RSPO2: variants seen among roughly 807,000 people sequenced by gnomAD.
The protein encoded by RSPO2 is R-spondin 2.
RSPO2 carries 14 observed loss-of-function variants against 30.9 expected under a neutral mutation model. The observed-to-expected ratio is 0.45, with a 90% confidence interval of 0.30 to 0.71. The LOEUF is 0.71. RSPO2 is among the 30% of genes least tolerant of loss of function. RSPO2 has a pLI of 0.08. For synonymous variants in RSPO2, 107 were observed against 96.4 expected (o/e 1.11, Z -0.64); for missense variants, 264 against 301.9 (o/e 0.87, Z 0.93).
At chr8:107,986,637 T>C (rs1048054957) in intron 3 of RSPO2, among the ~76,000 whole-genome samples, 3 of 152,204 alleles carry the variant, frequency 2.0e-5, no homozygotes, top group African/African-American at 7.2e-5. Context: ...GCAGCCCCTC[T>C]CATTTCCCAG....
intron 5 of RSPO2, among the ~76,000 whole-genome samples, chr8:107,918,020 A>T (rs117673993): frequency 2.6e-5 from 4 of 152,166 alleles, no homozygotes; most frequent in African/African-American, 9.6e-5. Flanking sequence ...TAGAATAGAG[A>T]AAAAGACTTT....
chr8:107,980,320 A>G (rs746417350), intron 3 of RSPO2, among the ~76,000 whole-genome samples: 1 of 152,154 alleles, frequency 6.6e-6, no homozygotes, highest in Non-Finnish European at 1.5e-5. Flanking sequence ...AGGCTAAGCC[A>G]TCCCCTAAAT....
chr8:107,984,315 T>C (rs994903985), intron 3 of RSPO2, among the ~76,000 whole-genome samples: 3 of 152,260 alleles, frequency 2.0e-5, no homozygotes, highest in African/African-American at 7.2e-5. Flanking sequence ...GTGTAATTAA[T>C]CTATAATGCC....
intron 5 of RSPO2, among the ~76,000 whole-genome samples, chr8:107,914,829 C>T (rs189221640): frequency 2.6e-5 from 4 of 152,112 alleles, no homozygotes; most frequent in South Asian, 2.1e-4. Flanking sequence ...ATTTTAGGTG[C>T]CTTTATGTGT....
intron 2 of RSPO2, among the ~76,000 whole-genome samples, chr8:108,062,293 G>A (rs1202836014): frequency 8.6e-5 from 13 of 151,850 alleles, no homozygotes; most frequent in South Asian, 2.1e-4. Context: ...CTGCTAGCAA[G>A]ACTAACAAAG....
intron 3 of RSPO2, chr8:107,983,218 A>C: frequency 6.3e-7 from 1 of 1,577,392 alleles, no homozygotes; most frequent in Non-Finnish European, 8.6e-7. Context: ...TTCTTGTCAC[A>C]AAAAGGCTGC....
intron 5 of RSPO2, among the ~76,000 whole-genome samples, chr8:107,957,762 T>C (rs1299802945): frequency 6.6e-6 from 1 of 152,178 alleles, no homozygotes; most frequent in Non-Finnish European, 1.5e-5. Context: ...AGGCCTGATT[T>C]CGTAAGAACC....
Position 107,988,117 on chromosome 8 carries a change from G to A in RSPO2, c.283+939C>T, listed in dbSNP as rs563060600. Among the ~76,000 whole-genome samples, 22 of 152,036 alleles carry A rather than the reference G, an allele frequency of 1.4e-4. No homozygotes were observed. The South Asian group carries it at 2.5e-3, about 17-fold the overall frequency. ...AATTTCTATGGCTGACCTAGAAGAC[G>A]AGACTCATTCTGTAAGTGATTTTTG... On this transcript the variant is annotated intron_variant, in intron 3 of 5. Transcript: ENST00000276659.
At chr8:108,076,718 G>A (rs1813024826) in intron 2 of RSPO2, among the ~76,000 whole-genome samples, 1 of 152,074 alleles carries the variant, frequency 6.6e-6, no homozygotes, top group Non-Finnish European at 1.5e-5. Flanking sequence ...CATATTGGCA[G>A]TAATTGGGAG....
intron 5 of RSPO2, among the ~76,000 whole-genome samples, chr8:107,941,418 C>A (rs575323857): frequency 5.0e-4 from 76 of 152,240 alleles, no homozygotes; most frequent in Non-Finnish European, 9.3e-4. Flanking sequence ...AAAAATAGAT[C>A]ACTGCAAAAT....
At chr8:107,948,964 C>CTTT (rs34697845) in intron 5 of RSPO2, among the ~76,000 whole-genome samples, 2 of 139,070 alleles carry the variant, frequency 1.4e-5, no homozygotes, top group African/African-American at 2.6e-5. Flanking sequence ...AGGTCTGCAC[C>CTTT]TTTTTTTTTT....
chr8:108,056,334 A>G (rs1303702359), intron 2 of RSPO2, among the ~76,000 whole-genome samples: 1 of 152,080 alleles, frequency 6.6e-6, no homozygotes, highest in Non-Finnish European at 1.5e-5. Flanking sequence ...CTTGGGCCCA[A>G]TCTTGTAAGC....
At chr8:107,928,938 A>T (rs1205276925) in intron 5 of RSPO2, among the ~76,000 whole-genome samples, 1 of 152,204 alleles carries the variant, frequency 6.6e-6, no homozygotes, top group African/African-American at 2.4e-5. Context: ...TGTCAATGAG[A>T]CCAGAAGATC....
chr8:107,972,149 GTCTT>G (rs890305606), intron 3 of RSPO2, among the ~76,000 whole-genome samples: 1 of 149,780 alleles, frequency 6.7e-6, no homozygotes, highest in African/African-American at 2.5e-5. Flanking sequence ...AATAAACACA[GTCTT>G]TTTTTTTTTT....
chr8:108,025,793 G>A (rs1427848879), intron 2 of RSPO2, among the ~76,000 whole-genome samples: 1 of 152,110 alleles, frequency 6.6e-6, no homozygotes, highest in East Asian at 1.9e-4. Context: ...AGGTGGTGGA[G>A]TTACAGATGT....
intron 2 of RSPO2, among the ~76,000 whole-genome samples, chr8:107,994,447 T>C (rs1814947901): frequency 6.6e-6 from 1 of 152,060 alleles, no homozygotes. Context: ...AAGACAGTAC[T>C]AAGCAAATGT....
intron 5 of RSPO2, among the ~76,000 whole-genome samples, chr8:107,938,452 T>C (rs1812787937): frequency 6.6e-6 from 1 of 152,180 alleles, no homozygotes; most frequent in Non-Finnish European, 1.5e-5. Flanking sequence ...AAAGGTCATT[T>C]ATTAAAGCTG....
intron 2 of RSPO2, among the ~76,000 whole-genome samples, chr8:108,017,985 G>C (rs1408895438): frequency 2.6e-5 from 4 of 152,074 alleles, no homozygotes; most frequent in Admixed American, 6.5e-5. Flanking sequence ...AAATTTGAAG[G>C]CTCAGTCTAC....
chr8:108,009,293 G>C (rs1474958819), intron 2 of RSPO2, among the ~76,000 whole-genome samples: 1 of 152,034 alleles, frequency 6.6e-6, no homozygotes, highest in Non-Finnish European at 1.5e-5. Flanking sequence ...TGAAAGAATT[G>C]GATAAATGCA....
Sources: gnomAD v4.1 joint callset for allele counts (sites outside exome capture counted in the v4.1 genomes callset) on GRCh38, gnomAD v4.1.1 for gene constraint, MANE v1.5 for transcripts, NCBI Gene and HGNC (gene_info 2026-07-23, HGNC 2026-07-21) for gene names.